ACSM1: variants seen among roughly 807,000 people sequenced by gnomAD.
The protein encoded by ACSM1 is acyl-CoA synthetase medium chain family member 1, also known as acyl-coenzyme A synthetase ACSM1, mitochondrial.
ACSM1 carries 79 observed loss-of-function variants against 75.8 expected under a neutral mutation model. The ratio of observed to expected loss-of-function variants is 1.04; its 90% confidence interval spans 0.87 to 1.26. ACSM1 has a LOEUF of 1.26. Ranked by LOEUF, ACSM1 falls within the 50% of genes most tolerant of loss-of-function variation. ACSM1 has a pLI of 0.00. For synonymous variants in ACSM1, 279 were observed against 265.8 expected (o/e 1.05, Z -0.48); for missense variants, 676 against 720.1 (o/e 0.94, Z 0.70).
At chr16:20,672,454 A>G (rs1445138804) in intron 4 of ACSM1, among the ~76,000 whole-genome samples, 2 of 107,202 alleles carry the variant, frequency 1.9e-5, no homozygotes, top group Non-Finnish European at 3.6e-5. Flanking sequence ...ATCTCAAAAA[A>G]AAAAAAAAAA....
At chr16:20,644,015 A>G (rs1484468971) in intron 7 of ACSM1, among the ~76,000 whole-genome samples, 2 of 152,150 alleles carry the variant, frequency 1.3e-5, no homozygotes, top group African/African-American at 2.4e-5. Flanking sequence ...CAGAGTGCTG[A>G]TTGGTGCATT....
chr16:20,690,108 A>T (rs2079625863), intron 2 of ACSM1, among the ~76,000 whole-genome samples: 3 of 152,248 alleles, frequency 2.0e-5, no homozygotes, highest in Admixed American at 2.0e-4. Flanking sequence ...AAGAAAAAGA[A>T]GGTGGTGGGG....
intron 1 of ACSM1, among the ~76,000 whole-genome samples, chr16:20,694,918 A>G (rs1732789637): frequency 6.6e-6 from 1 of 152,188 alleles, no homozygotes; most frequent in Non-Finnish European, 1.5e-5. Context: ...GAAGATAGCC[A>G]AGGAAAAAGA....
At chr16:20,682,527 G>C (rs980256484) in intron 3 of ACSM1, 64 bp from the exon 4 acceptor site, 30 of 1,367,852 alleles carry the variant, frequency 2.2e-5, no homozygotes, top group Non-Finnish European at 3.1e-5. Flanking sequence ...TTTAGACTTG[G>C]CTTGTCTGCA....
chr16:20,631,330 A>G (rs1239612999), intron 10 of ACSM1, among the ~76,000 whole-genome samples: 1 of 152,214 alleles, frequency 6.6e-6, no homozygotes, highest in East Asian at 1.9e-4. Context: ...ATGAGATATT[A>G]CCTTACTCCT....
At chr16:20,680,703 A>G (rs1472182474) in intron 4 of ACSM1, 1 of 152,210 alleles carries the variant, frequency 6.6e-6, no homozygotes, top group African/African-American at 2.4e-5. Flanking sequence ...ACAAAACTCT[A>G]TGGAGAAGCA....
chr16:20,640,813 C>T (rs1457842457), intron 7 of ACSM1, among the ~76,000 whole-genome samples: 3 of 152,150 alleles, frequency 2.0e-5, no homozygotes, highest in Admixed American at 6.5e-5. Context: ...CTATTGTGTT[C>T]AATTGGGAAT....
At chr16:20,677,989 T>A (rs537644542) in intron 4 of ACSM1, among the ~76,000 whole-genome samples, 5 of 128,176 alleles carry the variant, frequency 3.9e-5, no homozygotes, top group African/African-American at 1.1e-4. Context: ...AGGGGCACCA[T>A]AAAGGAAGAA....
chr16:20,625,546 C>T (rs1009371759), intron 11 of ACSM1, 24 bp from the exon 12 acceptor site: 1 of 1,606,434 alleles, frequency 6.2e-7, no homozygotes, highest in Non-Finnish European at 8.5e-7. Flanking sequence ...GGTTCTGAGG[C>T]AGATGCCAGG....
intron 10 of ACSM1, among the ~76,000 whole-genome samples, chr16:20,633,487 G>C (rs753795118): frequency 6.6e-6 from 1 of 152,112 alleles, no homozygotes; most frequent in Non-Finnish European, 1.5e-5. Context: ...CAAAAGACTT[G>C]TACACTGAAA....
Position 20,623,418 on chromosome 16 carries a change from A to T in ACSM1, c.*68T>A. The T allele has an allele frequency of 7.1e-7, 1 of 1,414,978 alleles. No individual in the cohort carries two copies. Among genetic ancestry groups the T allele is most frequent in the Non-Finnish European group, 1.0e-6 (1 of 1,001,002 alleles). The allele number at this position is 1,414,978 out of a possible 1,614,324, so 87.7% of individuals were successfully genotyped here. A position where few individuals can be genotyped will look rare whatever the true frequency, so the allele number is the denominator to read the frequency against. ...TCAATGCCCCACCCTCGTCCTCACC[A>T]TAGTGGGGAGACTAAAGTGGCCAGG... is the stretch of plus-strand genomic sequence containing the variant. On this transcript the variant is annotated 3_prime_UTR_variant, in exon 14 of 14. Transcript: ENST00000520010.
chr16:20,668,030 G>A (rs2019668719), intron 6 of ACSM1, among the ~76,000 whole-genome samples: 1 of 152,136 alleles, frequency 6.6e-6, no homozygotes, highest in South Asian at 2.1e-4. Context: ...GAGACAGGGA[G>A]GGGGTCGTGG....
chr16:20,696,737 A>G (rs543043639), intron 1 of ACSM1, among the ~76,000 whole-genome samples: 49 of 152,322 alleles, frequency 3.2e-4, no homozygotes, highest in African/African-American at 1.2e-3. Flanking sequence ...CTGTATTCCC[A>G]GATACATAGT....
At chr16:20,636,892 GC>G in intron 9 of ACSM1, 52 bp from the exon 10 acceptor site, 1 of 1,382,956 alleles carries the variant, frequency 7.2e-7, no homozygotes, top group Non-Finnish European at 1.0e-6. Flanking sequence ...CAGCCCTTCT[GC>G]CCCACCCAAG....
At chr16:20,638,096 C>T (rs1429559926) in intron 8 of ACSM1, among the ~76,000 whole-genome samples, 2 of 152,184 alleles carry the variant, frequency 1.3e-5, no homozygotes, top group Non-Finnish European at 2.9e-5. Context: ...TTATTGTTCT[C>T]ACAAATATAT....
Position 20,637,408 on chromosome 16 carries a change from C to T in ACSM1, c.1160G>A (p.Gly387Asp), listed in dbSNP as rs749086668. 2 of 1,614,118 alleles carry T rather than the reference C, an allele frequency of 1.2e-6. No homozygotes were observed. Among genetic ancestry groups the T allele is most frequent in the African/African-American group, 2.7e-5 (2 of 75,042 alleles). ...ATYWGMKIKP[G>D]FMGKATPPYD... ...GGGTGGAGTGGCCTTCCCCATGAAA[C>T]CCGGCTTGATCTTCATTCCCCAGTA... The change falls in exon 9 of 14, where the codon GGT becomes GAT. Residue 387 changes from glycine to aspartate, a missense_variant. Transcript: ENST00000520010.
At chr16:20,637,228 A>G (rs1567254425) in intron 9 of ACSM1, 143 bp downstream of exon 9, 1 of 811,572 alleles carries the variant, frequency 1.2e-6, no homozygotes, top group Non-Finnish European at 2.2e-6. Flanking sequence ...TGAGGCCTCC[A>G]TATGAAACTG....
chr16:20,688,084 CAA>C (rs34719963), intron 2 of ACSM1, among the ~76,000 whole-genome samples: 18 of 95,362 alleles, frequency 1.9e-4, no homozygotes, highest in Admixed American at 4.4e-4. Flanking sequence ...AACTCTGTCT[CAA>C]AAAAAAAAAA....
At chr16:20,657,799 T>C (rs978757611) in intron 7 of ACSM1, among the ~76,000 whole-genome samples, 3 of 149,874 alleles carry the variant, frequency 2.0e-5, no homozygotes, top group Admixed American at 6.6e-5. Flanking sequence ...GATGTTCCCT[T>C]TCCTGTGTCC....
Sources: allele counts gnomAD v4.1 joint callset (sites outside exome capture counted in the v4.1 genomes callset), GRCh38; gene constraint gnomAD v4.1.1; transcripts MANE v1.5; gene names NCBI Gene and HGNC (gene_info 2026-07-23, HGNC 2026-07-21).